The following MAN1A1 variants were observed in gnomAD, a reference collection of about 807,000 sequenced individuals.
The protein encoded by MAN1A1 is mannosyl-oligosaccharide 1,2-alpha-mannosidase IA.
MAN1A1 carries 29 observed loss-of-function variants against 70.8 expected under a neutral mutation model. The observed-to-expected ratio is 0.41, with a 90% CI of 0.31 to 0.56. MAN1A1 has a LOEUF of 0.56. Ranked by LOEUF, MAN1A1 falls within the 20% of genes least tolerant of loss-of-function variation. The pLI, the probability that MAN1A1 is intolerant of heterozygous loss-of-function variation, is 0.29. For missense variants in MAN1A1, 747 were observed against 841.3 expected, an observed-to-expected ratio of 0.89 and a Z score of 1.39; for synonymous variants, 349 against 330.1, an observed-to-expected ratio of 1.06 and a Z score of -0.62.
At chr6:119,348,377 T>C (rs572104929) in intron 2 of MAN1A1, 86 bp downstream of exon 2, 2 of 1,306,200 alleles carry the variant, frequency 1.5e-6, no homozygotes, top group East Asian at 2.4e-5. Context: ...CATTGCATTG[T>C]TGCAGTCTTC....
At chr6:119,185,001 T>C (rs1773249520) in intron 11 of MAN1A1, among the ~76,000 whole-genome samples, 1 of 152,072 alleles carries the variant, frequency 6.6e-6, no homozygotes, top group South Asian at 2.1e-4. Flanking sequence ...TGATCCTCCC[T>C]CTTCAGCCTC....
intron 4 of MAN1A1, among the ~76,000 whole-genome samples, chr6:119,296,727 AG>A (rs989199681): frequency 2.7e-5 from 4 of 150,102 alleles, no homozygotes; most frequent in African/African-American, 9.8e-5. Context: ...AAAAAAAAAA[AG>A]TCACTGTTGC....
Position 119,318,645 on chromosome 6 carries a change from T to G in MAN1A1, c.604-11653A>C, listed in dbSNP as rs184664076. 1.1e-4 allele frequency among the ~76,000 whole-genome samples: 16 copies of G among 152,324 alleles called. No individual in the cohort carries two copies. In the East Asian group the frequency reaches 1.9e-3, roughly 18 times the overall value. ...TCCAATCTTTCTTTTTTTGAAAACC[T>G]TGCAGATACAGGGAAAGCATTAAAT... On this transcript the variant is annotated intron_variant, in intron 2 of 12. Transcript: ENST00000368468.
chr6:119,275,860 C>A (rs949282841), intron 5 of MAN1A1, among the ~76,000 whole-genome samples: 1 of 152,202 alleles, frequency 6.6e-6, no homozygotes, highest in Non-Finnish European at 1.5e-5. Context: ...TATGTGGACA[C>A]GGTCATGTGC....
intron 2 of MAN1A1, among the ~76,000 whole-genome samples, chr6:119,309,679 A>T (rs1183235540): frequency 6.6e-6 from 1 of 152,176 alleles, no homozygotes; most frequent in Non-Finnish European, 1.5e-5. Context: ...CAAGCCAAAG[A>T]TGTTTTCTTC....
At chr6:119,339,600 GT>G (rs143932633) in intron 2 of MAN1A1, among the ~76,000 whole-genome samples, 1,527 of 146,946 alleles carry the variant, frequency 0.01, 11 homozygotes, top group African/African-American at 0.023. Context: ...TGAAGGATTT[GT>G]TTTTTTTTTT....
intron 2 of MAN1A1, among the ~76,000 whole-genome samples, chr6:119,312,724 T>A (rs984761916): frequency 1.3e-5 from 2 of 152,128 alleles, no homozygotes; most frequent in Non-Finnish European, 2.9e-5. Flanking sequence ...CTTCTACCCC[T>A]TAGTTCTCTC....
At chr6:119,254,481 T>C (rs1283376669) in intron 5 of MAN1A1, among the ~76,000 whole-genome samples, 1 of 152,218 alleles carries the variant, frequency 6.6e-6, no homozygotes, top group Non-Finnish European at 1.5e-5. Flanking sequence ...AAGACAAATA[T>C]CATCTTTTGA....
chr6:119,301,240 T>C (rs1472912300), intron 4 of MAN1A1, among the ~76,000 whole-genome samples: 2 of 152,234 alleles, frequency 1.3e-5, no homozygotes, highest in African/African-American at 4.8e-5. Flanking sequence ...ATGGCCTACA[T>C]GCTTTCTTCT....
intron 2 of MAN1A1, among the ~76,000 whole-genome samples, chr6:119,326,938 C>T (rs1773161795): frequency 6.6e-6 from 1 of 152,182 alleles, no homozygotes; most frequent in Non-Finnish European, 1.5e-5. Flanking sequence ...AGTGACTGTG[C>T]TTGACTTCAC....
At chr6:119,255,451 T>C (rs2114339796) in intron 5 of MAN1A1, among the ~76,000 whole-genome samples, 1 of 152,348 alleles carries the variant, frequency 6.6e-6, no homozygotes, top group South Asian at 2.1e-4. Context: ...AACTTGCACA[T>C]AATATGGGCC....
At chr6:119,302,261 C>T (rs531462480) in intron 3 of MAN1A1, among the ~76,000 whole-genome samples, 158 bp from the exon 4 acceptor site, 1 of 152,168 alleles carries the variant, frequency 6.6e-6, no homozygotes, top group African/African-American at 2.4e-5. Context: ...TATAAAACAG[C>T]ACCAAACTAA....
chr6:119,233,030 A>T (rs1487472122), intron 6 of MAN1A1, among the ~76,000 whole-genome samples: 1 of 152,212 alleles, frequency 6.6e-6, no homozygotes, highest in Non-Finnish European at 1.5e-5. Flanking sequence ...CATAAATATG[A>T]AATTATCACT....
At chr6:119,289,504 A>T (rs372202329) in intron 5 of MAN1A1, among the ~76,000 whole-genome samples, 8 of 145,248 alleles carry the variant, frequency 5.5e-5, no homozygotes, top group African/African-American at 2.2e-4. Context: ...AACTGAACAC[A>T]TGAAGTTATC....
chr6:119,180,453 A>G (rs6569054), intron 11 of MAN1A1, 26 bp from the exon 12 acceptor site: 1 of 1,229,450 alleles, frequency 8.1e-7, no homozygotes, highest in Non-Finnish European at 1.2e-6. Flanking sequence ...GGAAAAAAAA[A>G]AGTCACATTT....
Position 119,244,179 on chromosome 6 carries a change from C to G in MAN1A1, c.992+4081G>C, listed in dbSNP as rs369739760. Among the ~76,000 whole-genome samples the G allele has an allele frequency of 1.4e-4, 21 of 152,032 alleles. No homozygotes were observed. In the East Asian group the frequency reaches 1.9e-3, roughly 14 times the overall value. ...TGCAAATACAGAAATGGTGAAATGC[C>G]TGATTTTACAAATCACAGAGGTAAT... On this transcript the variant is annotated intron_variant, in intron 6 of 12. Transcript: ENST00000368468.
At chr6:119,329,532 A>C (rs1484875616) in intron 2 of MAN1A1, among the ~76,000 whole-genome samples, 1 of 151,906 alleles carries the variant, frequency 6.6e-6, no homozygotes, top group African/African-American at 2.4e-5. Context: ...TCAGATTCTC[A>C]AAAAAGCACT....
chr6:119,230,382 C>G (rs1012669768), intron 6 of MAN1A1, among the ~76,000 whole-genome samples: 10 of 152,290 alleles, frequency 6.6e-5, no homozygotes, highest in African/African-American at 2.4e-4. Flanking sequence ...GAGACCCCAC[C>G]ACAGAGTCTG....
chr6:119,336,811 G>C (rs565888636), intron 2 of MAN1A1, among the ~76,000 whole-genome samples: 1 of 151,952 alleles, frequency 6.6e-6, no homozygotes, highest in Non-Finnish European at 1.5e-5. Context: ...TGCCAAAATG[G>C]AAACAAAACA....
Sources: gnomAD v4.1 joint callset for allele counts (sites outside exome capture counted in the v4.1 genomes callset) on GRCh38, gnomAD v4.1.1 for gene constraint, MANE v1.5 for transcripts, NCBI Gene and HGNC (gene_info 2026-07-23, HGNC 2026-07-21) for gene names.